Variants in EYS observed in about 807,000 individuals in gnomAD.
The protein encoded by EYS is EGF-like photoreceptor maintenance factor.
In EYS, 250 loss-of-function variants were observed where a neutral mutation model predicts 282.1. That is an observed-to-expected ratio of 0.89 (90% CI 0.80 to 0.98). EYS has a LOEUF of 0.98. Among genes scored for constraint, EYS ranks in the 50% least tolerant of loss-of-function variants. EYS has a pLI of 0.00. For missense variants in EYS, 4,016 were observed against 3,709.0 expected (o/e 1.08, Z -2.15); for synonymous variants, 1,355 against 1,282.9 (o/e 1.06, Z -1.20).
intron 22 of EYS, among the ~76,000 whole-genome samples, chr6:64,670,232 T>C (rs1019852150): frequency 6.6e-6 from 1 of 152,090 alleles, no homozygotes; most frequent in Non-Finnish European, 1.5e-5. Flanking sequence ...AGATGACTCG[T>C]GGATCCTTCT....
At chr6:64,601,134 C>T (rs1434510247) in intron 24 of EYS, among the ~76,000 whole-genome samples, 1 of 151,964 alleles carries the variant, frequency 6.6e-6, no homozygotes, top group Non-Finnish European at 1.5e-5. Context: ...TTTGTAGCCT[C>T]TAGTTTGGAA....
chr6:65,355,262 G>A (rs994054332), intron 8 of EYS, among the ~76,000 whole-genome samples: 1 of 151,980 alleles, frequency 6.6e-6, no homozygotes, highest in Non-Finnish European at 1.5e-5. Context: ...TGAGTACAGT[G>A]CACACTGCTT....
intron 2 of EYS, among the ~76,000 whole-genome samples, chr6:65,618,478 A>T (rs12211041): frequency 6.6e-6 from 1 of 151,792 alleles, no homozygotes; most frequent in Non-Finnish European, 1.5e-5. Flanking sequence ...AGTAGGTTGC[A>T]AAAATTTTTT....
At chr6:64,137,980 A>G (rs1360871936) in intron 31 of EYS, among the ~76,000 whole-genome samples, 1 of 152,176 alleles carries the variant, frequency 6.6e-6, no homozygotes, top group East Asian at 1.9e-4. Flanking sequence ...CCTGTATTGG[A>G]TGAAAACTGC....
intron 12 of EYS, among the ~76,000 whole-genome samples, chr6:65,104,251 A>C (rs1247943501): frequency 6.6e-6 from 1 of 151,474 alleles, no homozygotes; most frequent in Non-Finnish European, 1.5e-5. Flanking sequence ...TTATGAATTC[A>C]TGCTTTGTGG....
rs899575087 is a variant in EYS at position 64,450,183 on chromosome 6, CA to C, written c.5645-10832del. Among the ~76,000 whole-genome samples, 12 of 149,896 alleles carry C rather than the reference CA, an allele frequency of 8.0e-5. 1 individual carries two copies. The highest frequency in any genetic ancestry group is 5.3e-4 in the Admixed American group (8 of 14,990). On this transcript the variant is annotated intron_variant, in intron 26 of 42. Transcript: ENST00000503581. The stretch of plus-strand genomic sequence containing the variant: ...GAAGATCTACCAAGCAAACAGAAGA[CA>C]AAAAAAAGGCAGGGGTTGCAATCCT...
rs117361047 is a variant in EYS at position 64,265,601 on chromosome 6, A to T, written c.6192-34777T>A. ...GGTAGTGATCAGAAATTGAGAATAG[A>T]AAAGTAAAATTGACCAAAGAATATA... On this transcript the variant is annotated intron_variant, in intron 30 of 42. Transcript: ENST00000503581. Among the ~76,000 whole-genome samples, 44 of 152,290 alleles carry T rather than the reference A, an allele frequency of 2.9e-4. No individual in the cohort carries two copies. The East Asian group carries it at 5.8e-3, about 20-fold the overall frequency.
rs114292737 is a variant in EYS at position 65,424,336 on chromosome 6, T to C, written c.863-18969A>G. Among the ~76,000 whole-genome samples, 239 of 152,150 alleles carry C rather than the reference T, an allele frequency of 1.6e-3. 2 individuals are homozygous for C. Among genetic ancestry groups the C allele is most frequent in the African/African-American group, 5.5e-3 (230 of 41,568 alleles). On this transcript the variant is annotated intron_variant, in intron 5 of 42. Transcript: ENST00000503581. The stretch of plus-strand genomic sequence containing the variant: ...TCTGATGGTCTGTGAATTATCTTAT[T>C]ATTTTCTTTAGTCTTACTCTCCACA...
chr6:64,546,403 A>C (rs1012722698), intron 26 of EYS, among the ~76,000 whole-genome samples: 1 of 152,240 alleles, frequency 6.6e-6, no homozygotes, highest in Non-Finnish European at 1.5e-5. Flanking sequence ...TGTTAGACCT[A>C]AAACCATAAA....
chr6:64,477,276 T>C (rs1044313901), intron 26 of EYS, among the ~76,000 whole-genome samples: 3 of 152,322 alleles, frequency 2.0e-5, no homozygotes. Context: ...CCAATACATA[T>C]GTACTGTTTA....
chr6:64,564,908 T>G (rs1765517052), intron 26 of EYS, among the ~76,000 whole-genome samples: 1 of 152,194 alleles, frequency 6.6e-6, no homozygotes, highest in Admixed American at 6.5e-5. Context: ...ACTTTGGTTT[T>G]GATGTATACT....
intron 5 of EYS, among the ~76,000 whole-genome samples, chr6:65,474,097 G>A (rs1300109300): frequency 6.6e-6 from 1 of 152,056 alleles, no homozygotes; most frequent in African/African-American, 2.4e-5. Flanking sequence ...ATCAATTAGT[G>A]AGGAGAAACC....
At chr6:64,452,217 GACAA>G (rs762959651) in intron 26 of EYS, among the ~76,000 whole-genome samples, 2 of 151,824 alleles carry the variant, frequency 1.3e-5, no homozygotes, top group Non-Finnish European at 2.9e-5. Flanking sequence ...ACCAATAACA[GACAA>G]ACAGAGAGCC....
At chr6:65,590,269 C>T (rs1202782085) in intron 2 of EYS, among the ~76,000 whole-genome samples, 1 of 152,022 alleles carries the variant, frequency 6.6e-6, no homozygotes, top group Non-Finnish European at 1.5e-5. Flanking sequence ...ATGGTAGAGG[C>T]TCCATCAACC....
At chr6:64,000,481 T>A (rs1280731971) in intron 33 of EYS, among the ~76,000 whole-genome samples, 1 of 151,858 alleles carries the variant, frequency 6.6e-6, no homozygotes, top group African/African-American at 2.4e-5. Context: ...ATTACAGGCG[T>A]GAGCCACCGA....
intron 33 of EYS, among the ~76,000 whole-genome samples, chr6:64,055,518 T>C (rs1270582476): frequency 6.6e-6 from 1 of 152,188 alleles, no homozygotes; most frequent in Non-Finnish European, 1.5e-5. Flanking sequence ...TTCTGCCTTT[T>C]ACGTGTCCTG....
chr6:65,244,407 T>A (rs1453071258), intron 12 of EYS, among the ~76,000 whole-genome samples: 1 of 152,180 alleles, frequency 6.6e-6, no homozygotes, highest in East Asian at 1.9e-4. Flanking sequence ...TCTCCCTAAA[T>A]AATGTATTTG....
intron 5 of EYS, among the ~76,000 whole-genome samples, chr6:65,417,469 C>A (rs1314133906): frequency 6.6e-6 from 1 of 152,008 alleles, no homozygotes; most frequent in Non-Finnish European, 1.5e-5. Context: ...GGATTGAGCA[C>A]ACAACCTATT....
chr6:65,456,846 A>C (rs573493001), intron 5 of EYS, among the ~76,000 whole-genome samples: 1 of 152,258 alleles, frequency 6.6e-6, no homozygotes, highest in South Asian at 2.1e-4. Context: ...AAATGTACCC[A>C]TATTAGAAAG....
Sources: allele counts gnomAD v4.1 joint callset (sites outside exome capture counted in the v4.1 genomes callset), GRCh38; gene constraint gnomAD v4.1.1; transcripts MANE v1.5; gene names NCBI Gene and HGNC (gene_info 2026-07-23, HGNC 2026-07-21).